Variants in LIMA1 observed in about 807,000 individuals in gnomAD.
The protein encoded by LIMA1 is LIM domain and actin-binding protein 1.
LIMA1 carries 52 observed loss-of-function variants against 62.6 expected under a neutral mutation model. The observed-to-expected ratio is 0.83, with a 90% CI of 0.67 to 1.05. The LOEUF (loss-of-function observed/expected upper bound fraction) is 1.05. Among genes scored for constraint, LIMA1 ranks in the 50% least tolerant of loss-of-function variants. The pLI, the probability that LIMA1 is intolerant of heterozygous loss-of-function variation, is 0.00. For missense variants in LIMA1, 780 were observed against 902.2 expected (o/e 0.86, Z 1.74); for synonymous variants, 302 against 317.8 (o/e 0.95, Z 0.53).
intron 10 of LIMA1, among the ~76,000 whole-genome samples, chr12:50,179,583 A>G (rs1940445859): frequency 7.0e-6 from 1 of 143,320 alleles, no homozygotes; most frequent in Non-Finnish European, 1.5e-5. Context: ...GACTACAGGC[A>G]CTCGCCACCA....
At chr12:50,204,104 CA>C (rs952543147) in intron 6 of LIMA1, among the ~76,000 whole-genome samples, 43 of 151,630 alleles carry the variant, frequency 2.8e-4, no homozygotes, top group African/African-American at 9.4e-4. Context: ...TAAAAAATCA[CA>C]AAAAAAACCC....
intron 10 of LIMA1, 88 bp from the exon 11 acceptor site, chr12:50,178,157 T>C: frequency 3.0e-6 from 3 of 1,005,426 alleles, no homozygotes; most frequent in Non-Finnish European, 4.1e-6. Flanking sequence ...ATTCCAGTAT[T>C]TTCAGAAGAT....
intron 2 of LIMA1, among the ~76,000 whole-genome samples, chr12:50,236,300 C>CTT (rs112036543): frequency 1.1e-4 from 13 of 120,946 alleles, no homozygotes; most frequent in South Asian, 2.8e-4. Flanking sequence ...ATTTTTTTTT[C>CTT]TTTTTTTTTT....
chr12:50,183,388 C>T (rs1264949540), intron 9 of LIMA1, among the ~76,000 whole-genome samples: 1 of 152,040 alleles, frequency 6.6e-6, no homozygotes, highest in Non-Finnish European at 1.5e-5. Context: ...GCTTTTGCTG[C>T]CATGATCAGC....
chr12:50,244,973 T>G (rs1437072755), intron 2 of LIMA1, among the ~76,000 whole-genome samples: 1 of 152,092 alleles, frequency 6.6e-6, no homozygotes, highest in East Asian at 1.9e-4. Context: ...GAATAAGAGT[T>G]AAACAAGTGG....
At chr12:50,180,072 G>T (rs1266724543) in intron 10 of LIMA1, among the ~76,000 whole-genome samples, 1 of 151,994 alleles carries the variant, frequency 6.6e-6, no homozygotes, top group Non-Finnish European at 1.5e-5. Context: ...AGGCCGAGGA[G>T]GGCAGACTGA....
intron 2 of LIMA1, among the ~76,000 whole-genome samples, chr12:50,243,174 T>A (rs1941801537): frequency 6.6e-6 from 1 of 152,218 alleles, no homozygotes; most frequent in South Asian, 2.1e-4. Context: ...CAAGCTCTGA[T>A]GCTAGAAAAA....
intron 5 of LIMA1, among the ~76,000 whole-genome samples, chr12:50,205,179 A>G (rs539609237): frequency 1.3e-5 from 2 of 151,966 alleles, no homozygotes; most frequent in East Asian, 3.9e-4. Flanking sequence ...TTGGGCTCAA[A>G]TGATCCAACC....
chr12:50,209,667 A>T (rs1486604772), intron 4 of LIMA1, among the ~76,000 whole-genome samples: 1 of 150,722 alleles, frequency 6.6e-6, no homozygotes, highest in Non-Finnish European at 1.5e-5. Flanking sequence ...TTTAATTTTT[A>T]TTTATTTATT....
intron 1 of LIMA1, among the ~76,000 whole-genome samples, chr12:50,261,225 TG>T (rs1942069804): frequency 6.6e-6 from 1 of 151,166 alleles, no homozygotes; most frequent in Non-Finnish European, 1.5e-5. Flanking sequence ...GCTAATTTTT[TG>T]TATTTTTCAG....
intron 1 of LIMA1, among the ~76,000 whole-genome samples, chr12:50,278,094 G>T (rs117452065): frequency 0.013 from 1,997 of 151,758 alleles, 23 homozygotes; most frequent in Non-Finnish European, 0.021. Flanking sequence ...TGATCAACAG[G>T]GTGAAACCCT....
chr12:50,229,308 G>A (rs1000044839), intron 3 of LIMA1, among the ~76,000 whole-genome samples: 1 of 152,072 alleles, frequency 6.6e-6, no homozygotes, highest in African/African-American at 2.4e-5. Context: ...GGCCTCCTGC[G>A]ATCCTCCCGC....
chr12:50,275,013 CATT>C (rs979300689), intron 1 of LIMA1, among the ~76,000 whole-genome samples: 7 of 152,072 alleles, frequency 4.6e-5, no homozygotes, highest in Admixed American at 4.6e-4. Context: ...CAAAGCCAAA[CATT>C]ATTATATAAA....
intron 1 of LIMA1, among the ~76,000 whole-genome samples, chr12:50,266,455 A>G (rs956333708): frequency 7.2e-5 from 11 of 152,224 alleles, no homozygotes; most frequent in African/African-American, 2.7e-4. Flanking sequence ...CAGGGCATAC[A>G]GATCTATCTC....
chr12:50,272,297 A>C (rs1394625762), intron 1 of LIMA1, among the ~76,000 whole-genome samples: 1 of 151,830 alleles, frequency 6.6e-6, no homozygotes, highest in African/African-American at 2.4e-5. Context: ...CCTTTCTTTA[A>C]AAGAGAAGCT....
At chr12:50,279,547 C>T (rs1942313933) in intron 1 of LIMA1, among the ~76,000 whole-genome samples, 1 of 152,018 alleles carries the variant, frequency 6.6e-6, no homozygotes, top group Non-Finnish European at 1.5e-5. Flanking sequence ...GGAAGCTGAG[C>T]AGGGCTATGG....
chr12:50,180,362 C>A (rs1035494492), intron 10 of LIMA1, among the ~76,000 whole-genome samples: 1 of 151,504 alleles, frequency 6.6e-6, no homozygotes, highest in African/African-American at 2.4e-5. Flanking sequence ...GTAATCCCAG[C>A]TACTCAGGAG....
At chr12:50,229,430 A>G (rs1941577326) in intron 3 of LIMA1, among the ~76,000 whole-genome samples, 1 of 152,138 alleles carries the variant, frequency 6.6e-6, no homozygotes, top group Non-Finnish European at 1.5e-5. Flanking sequence ...TTCTCAGCAA[A>G]CTATCGCAAG....
At chr12:50,214,791 G>GCAAA (rs970039884) in intron 4 of LIMA1, among the ~76,000 whole-genome samples, 1 of 152,176 alleles carries the variant, frequency 6.6e-6, no homozygotes, top group Non-Finnish European at 1.5e-5. Flanking sequence ...GGGCGACAGA[G>GCAAA]CAAACAAACA....
Sources: gnomAD v4.1 joint callset for allele counts (sites outside exome capture counted in the v4.1 genomes callset) on GRCh38, gnomAD v4.1.1 for gene constraint, MANE v1.5 for transcripts, NCBI Gene and HGNC (gene_info 2026-07-23, HGNC 2026-07-21) for gene names.